The following TNRC6B variants were observed in gnomAD, a reference collection of about 807,000 sequenced individuals.
The protein encoded by TNRC6B is trinucleotide repeat containing adaptor 6B, also known as trinucleotide repeat-containing gene 6B protein.
TNRC6B carries 52 observed loss-of-function variants against 203.6 expected under a neutral mutation model. That is an observed-to-expected ratio of 0.26 (90% CI 0.20 to 0.32). TNRC6B has a LOEUF of 0.32. TNRC6B is among the 10% of genes least tolerant of loss of function. The probability of loss-of-function intolerance (pLI) is 1.00; values close to 1 mark genes in which losing one functional copy is unlikely to be tolerated. For missense variants in TNRC6B, 1,923 were observed against 2,286.2 expected, an observed-to-expected ratio of 0.84 and a Z score of 3.24; for synonymous variants, 838 against 845.7, an observed-to-expected ratio of 0.99 and a Z score of 0.16.
intron 1 of TNRC6B, among the ~76,000 whole-genome samples, chr22:40,197,072 G>A (rs2069346535): frequency 6.6e-6 from 1 of 152,100 alleles, no homozygotes; most frequent in Non-Finnish European, 1.5e-5. Flanking sequence ...TAAACACAGT[G>A]CAGAGTGATT....
At chr22:40,194,032 C>T (rs374768070) in intron 1 of TNRC6B, among the ~76,000 whole-genome samples, 3 of 152,058 alleles carry the variant, frequency 2.0e-5, no homozygotes, top group African/African-American at 4.8e-5. Flanking sequence ...TCTGAGGTTG[C>T]GTGAGGATAG....
intron 1 of TNRC6B, among the ~76,000 whole-genome samples, chr22:40,196,013 G>A (rs1319579274): frequency 6.6e-6 from 1 of 151,326 alleles, no homozygotes; most frequent in Non-Finnish European, 1.5e-5. Flanking sequence ...TCCTGACCTC[G>A]TGATCCGTCT....
upstream of TNRC6B, among the ~76,000 whole-genome samples, chr22:40,175,287 G>T (rs1479550221): frequency 6.6e-6 from 1 of 152,062 alleles, no homozygotes; most frequent in Admixed American, 6.5e-5. Context: ...AACCCAGGAG[G>T]TGGAGGTTCC....
intron 3 of TNRC6B, among the ~76,000 whole-genome samples, chr22:40,253,102 C>CTT (rs67113294): frequency 1.4e-5 from 2 of 141,958 alleles, no homozygotes; most frequent in Non-Finnish European, 3.1e-5. Flanking sequence ...TTCTTTTTTT[C>CTT]TTTTTTTTTT....
chr22:40,300,913 T>C lies in TNRC6B; in HGVS notation c.3844T>C (p.Cys1282Arg), dbSNP rs1283313257. ...LPQIPQFQLA[C>R]QLLLQQQQQQ... ...GTCTTTCCCCCTTGTTTTGTAGGCA[T>C]GTCAGCTTCTCTTGCAGCAGCAGCA... The change falls in exon 14 of 23, where the codon TGT (cysteine) becomes CGT (arginine). Residue 1282 changes from cysteine (C) to arginine (R), a missense_variant. Coordinates refer to ENST00000454349, the MANE Select transcript of TNRC6B (RefSeq NM_001162501.2). The C allele has an allele frequency of 6.2e-7, 1 of 1,613,574 alleles. No homozygotes were observed. The highest frequency in any genetic ancestry group is 8.5e-7 in the Non-Finnish European group (1 of 1,179,734).
chr22:40,162,286 G>A (rs1040685642), intron 4 of TNRC6B, among the ~76,000 whole-genome samples: 1 of 152,072 alleles, frequency 6.6e-6, no homozygotes, highest in African/African-American at 2.4e-5. Context: ...AGTAGAGACG[G>A]GGTTTCACCG....
intron 1 of TNRC6B, among the ~76,000 whole-genome samples, chr22:40,075,154 ATATTTTTTT>A (rs2039721994): frequency 1.8e-5 from 1 of 55,396 alleles, no homozygotes; most frequent in Non-Finnish European, 3.1e-5. Flanking sequence ...ATATATATAT[ATATTTTTTT>A]TTTTTTTTTT....
chr22:40,179,639 T>C (rs1422497125), intron 1 of TNRC6B, among the ~76,000 whole-genome samples: 7 of 152,228 alleles, frequency 4.6e-5, no homozygotes, highest in Admixed American at 4.6e-4. Context: ...TTGTTTCCTT[T>C]TTAATTAATC....
chr22:40,256,094 T>C lies in TNRC6B; in HGVS notation c.115+4894T>C, dbSNP rs554452854. On this transcript the variant is annotated intron_variant, in intron 3 of 22. Coordinates refer to ENST00000454349, the MANE Select transcript of TNRC6B (RefSeq NM_001162501.2). ...TGAGAGAGGCTTTAGTTTAACTTAA[T>C]ATTGATTGGATAATGATATGTGGGT... 6.2e-4 allele frequency among the ~76,000 whole-genome samples: 94 copies of C among 152,324 alleles called. 1 individual carries two copies. In the South Asian group the frequency reaches 7.0e-3, roughly 11 times the overall value.
intron 3 of TNRC6B, among the ~76,000 whole-genome samples, chr22:40,134,462 A>G (rs567943133): frequency 6.6e-6 from 1 of 152,362 alleles, no homozygotes; most frequent in East Asian, 1.9e-4. Flanking sequence ...AGAGACAGCT[A>G]AGGAGACACA....
At chr22:40,295,909 C>G (rs1356094408) in intron 12 of TNRC6B, among the ~76,000 whole-genome samples, 1 of 152,060 alleles carries the variant, frequency 6.6e-6, no homozygotes, top group Non-Finnish European at 1.5e-5. Context: ...AACCAAAAGA[C>G]AGATCCTAGA....
intron 1 of TNRC6B, among the ~76,000 whole-genome samples, chr22:40,077,687 A>G (rs1421609875): frequency 6.6e-6 from 1 of 152,216 alleles, no homozygotes; most frequent in Admixed American, 6.5e-5. Flanking sequence ...AGACAAATTC[A>G]GAACATACAC....
intron 1 of TNRC6B, among the ~76,000 whole-genome samples, chr22:40,076,262 C>A (rs756523234): frequency 6.6e-6 from 1 of 152,068 alleles, no homozygotes; most frequent in Non-Finnish European, 1.5e-5. Context: ...ACAAAAAATA[C>A]AAAAATTAGG....
At chr22:40,220,108 G>T (rs138027) in intron 1 of TNRC6B, among the ~76,000 whole-genome samples, 1 of 152,020 alleles carries the variant, frequency 6.6e-6, no homozygotes, top group African/African-American at 2.4e-5. Flanking sequence ...GCGGTAGTAG[G>T]TGGGGGTGGA....
At chr22:40,046,715 G>A (rs1365383659) in intron 1 of TNRC6B, among the ~76,000 whole-genome samples, 4 of 149,874 alleles carry the variant, frequency 2.7e-5, no homozygotes, top group African/African-American at 9.9e-5. Flanking sequence ...CACAATCTCG[G>A]CTCACTGCAA....
rs540486970 is a variant in TNRC6B, at chr22:40,278,402, AC to A, written c.3262+359del. Reference sequence around the variant, plus strand: ...GTGAAACCCCATCTCTACTAAAAATACAAAAATTAGCTGGGCATGGTGTGGC... The same window carrying A: ...GTGAAACCCCATCTCTACTAAAAATAAAAAATTAGCTGGGCATGGTGTGGC... On this transcript the variant is annotated intron_variant, in intron 9 of 22. Coordinates refer to ENST00000454349, the MANE Select transcript of TNRC6B (RefSeq NM_001162501.2). 6.7e-4 allele frequency among the ~76,000 whole-genome samples: 102 copies of A among 152,198 alleles called. No individual in the cohort carries two copies. The South Asian group carries it at 0.01, about 15-fold the overall frequency.
At chr22:40,301,574 C>CT (rs1281217172) in intron 15 of TNRC6B, 18 of 527,110 alleles carry the variant, frequency 3.4e-5, no homozygotes, top group African/African-American at 1.3e-4. Flanking sequence ...CCAAAGCAGT[C>CT]TTCCTTTTTT....
chr22:40,293,190 C>CTTTTTTTTTTTTTTTTTTTTTTT (rs748230080), intron 12 of TNRC6B, among the ~76,000 whole-genome samples: 1 of 79,454 alleles, frequency 1.3e-5, no homozygotes, highest in Non-Finnish European at 2.3e-5. Context: ...ATATCCTTTT[C>CTTTTTTTTTTTTTTTTTTTTTTT]TTTTTTTTTT....
chr22:40,213,339 G>C lies in TNRC6B; in HGVS notation c.6-32676G>C, dbSNP rs113103202. ...TCAGGGAGGCTTTCCCAGAGGAGGC[G>C]GCACCCTCAGTCTGAGAAGTATTGA... On this transcript the variant is annotated intron_variant, in intron 1 of 22. Transcript: ENST00000454349. Among the ~76,000 whole-genome samples the C allele has an allele frequency of 3.5e-4, 53 of 152,200 alleles. 2 individuals carry two copies. The highest frequency in any genetic ancestry group is 1.3e-3 in the African/African-American group (52 of 41,524).
Sources: gnomAD v4.1 joint callset for allele counts (sites outside exome capture counted in the v4.1 genomes callset) on GRCh38, gnomAD v4.1.1 for gene constraint, MANE v1.5 for transcripts, NCBI Gene and HGNC (gene_info 2026-07-23, HGNC 2026-07-21) for gene names.